PEAR1: variants seen among roughly 807,000 people sequenced by gnomAD.
PEAR1 encodes the protein multiple EGF-like domains protein 12.
Under a neutral mutation model 131.2 loss-of-function variants are expected in PEAR1, and 113 were observed. The ratio of observed to expected loss-of-function variants is 0.86; its 90% CI spans 0.74 to 1.01. The LOEUF (loss-of-function observed/expected upper bound fraction) is 1.01, where lower values mean the gene tolerates loss of function less well. Ranked by LOEUF, PEAR1 falls within the 50% of genes least tolerant of loss-of-function variation. The probability of loss-of-function intolerance (pLI) is 0.00; values close to 1 mark genes in which losing one functional copy is unlikely to be tolerated. For missense variants in PEAR1, 1,408 were observed against 1,391.1 expected (o/e 1.01, Z -0.19); for synonymous variants, 565 against 523.3 (o/e 1.08, Z -1.09).
intron 11 of PEAR1, 150 bp downstream of exon 11, chr1:156,909,186 C>A: frequency 6.6e-6 from 7 of 1,068,524 alleles, no homozygotes; most frequent in African/African-American, 1.6e-5. Flanking sequence ...AGTATCCAGG[C>A]TACTTTCTTC....
intron 15 of PEAR1, among the ~76,000 whole-genome samples, chr1:156,911,130 C>CTT (rs10688470): frequency 6.6e-4 from 62 of 93,974 alleles, no homozygotes; most frequent in African/African-American, 2.7e-3. Flanking sequence ...TTCTTTCTTT[C>CTT]CTTTCTTTCT....
Position 156,912,250 on chromosome 1 carries a change from GC to G in PEAR1, c.1958del (p.Pro653LeufsTer32). On this transcript the variant is annotated frameshift_variant, in exon 16 of 23. Transcript: ENST00000292357. LOFTEE classifies it high-confidence loss of function. ...ACAGGCCCCATGTCTCCCGTAGCATGCCCTCCAGGACACTGGGGAGAAAACT... is the reference window on the plus strand; with the variant it reads ...ACAGGCCCCATGTCTCCCGTAGCATGCCTCCAGGACACTGGGGAGAAAACT... Reference protein sequence around the residue: ...GWTGPDCSQPCPPGHWGENCA... With the variant: ...GWTGPDCSQPXPPGHWGENCA... The G allele has an allele frequency of 6.2e-7, 1 of 1,611,458 alleles. No individual in the cohort carries two copies. Among genetic ancestry groups the G allele is most frequent in the Non-Finnish European group, 8.5e-7 (1 of 1,179,002 alleles).
At position 156,908,534 on chromosome 1, in the gene PEAR1, C is replaced by A; in HGVS notation, c.1116-121C>A. The A allele has an allele frequency of 8.2e-7, 1 of 1,214,490 alleles. No homozygotes were observed. Among genetic ancestry groups the A allele is most frequent in the Non-Finnish European group, 1.1e-6 (1 of 896,664 alleles). 75.2% of individuals were successfully genotyped at this position (1,214,490 alleles called of 1,614,324 possible). A position where few individuals can be genotyped will look rare whatever the true frequency, so the allele number is the denominator to read the frequency against. ...ACCCAGTTTTCAGAATAGCGCGGAG[C>A]CTCCCTAGTGACCCCCTTACCCCAG... On this transcript the variant is annotated intron_variant, in intron 9 of 22. Coordinates refer to ENST00000292357, the MANE Select transcript of PEAR1 (RefSeq NM_001080471.3). The surrounding 1 kb of genome is among the most constrained non-coding windows in gnomAD (Gnocchi z 4.2).
rs1650867933 is a variant in PEAR1 at position 156,910,034 on chromosome 1, G to A, written c.1604G>A (p.Ser535Asn). 3 of 1,613,986 alleles carry A rather than the reference G, an allele frequency of 1.9e-6. No homozygotes were observed. Among genetic ancestry groups the A allele is most frequent in the South Asian group, 2.2e-5 (2 of 91,090 alleles). Residue 535 changes from serine to asparagine, a missense_variant, in exon 13 of 23, where the codon AGT becomes AAT. Ser to Asn is a conservative substitution (Grantham distance 46). Transcript: ENST00000292357. ...PKGQFGEGCASRCDCDHSDGC... is the reference protein window; with the variant it reads ...PKGQFGEGCANRCDCDHSDGC... Reference sequence around the variant, plus strand: ...GGGCAGTTTGGAGAAGGTTGTGCCAGTCGCTGTGACTGTGACCACTCTGAT... The same window carrying A: ...GGGCAGTTTGGAGAAGGTTGTGCCAATCGCTGTGACTGTGACCACTCTGAT...
At position 156,908,956 on chromosome 1, in the gene PEAR1, G is replaced by T. The variant is rs768687976; in HGVS notation, c.1331G>T (p.Gly444Val). The change falls in exon 11 of 23, where the codon GGT becomes GTT. Residue 444 changes from glycine to valine, a missense_variant. Transcript: ENST00000292357. This position sits in a 1 kb window ranked among gnomAD's most constrained non-coding sequence, Gnocchi z 4.2. ...CASLCPPDTY[G>V]VNCSARCSCE... The stretch of plus-strand genomic sequence containing the variant: ...AGTCTTTGTCCTCCTGACACCTACG[G>T]TGTCAACTGTTCTGCACGCTGCTCA... The T allele has an allele frequency of 1.9e-6, 3 of 1,614,000 alleles. No individual in the cohort carries two copies. In the South Asian group the frequency reaches 3.3e-5, roughly 18 times the overall value.
At chr1:156,911,041 C>CTTTCTTTCTTTCTTTCTTTCTTTCTTTT (rs1558143325) in intron 15 of PEAR1, among the ~76,000 whole-genome samples, 23 of 68,816 alleles carry the variant, frequency 3.3e-4, no homozygotes, top group African/African-American at 1.5e-3. Flanking sequence ...ATTTCTTTTT[C>CTTTCTTTCTTTCTTTCTTTCTTTCTTTT]TTTCTTTCTT....
At chr1:156,910,502 C>T (rs372393610) in intron 14 of PEAR1, 116 bp from the exon 15 acceptor site, 4 of 1,551,690 alleles carry the variant, frequency 2.6e-6, no homozygotes, top group African/African-American at 2.7e-5. Flanking sequence ...CGGTCTCTTC[C>T]TCTGACCCGT....
At position 156,908,890 on chromosome 1, in the gene PEAR1, C is replaced by A; in HGVS notation, c.1291-26C>A. The A allele has an allele frequency of 1.2e-6, 2 of 1,611,012 alleles. No individual in the cohort carries two copies. The highest frequency in any genetic ancestry group is 8.5e-7 in the Non-Finnish European group (1 of 1,179,754). ...TGGAGAGGCCAAGGAATGGGCCGCC[C>A]CTCTCACCCGCTCACCCTCTTTCAG... On this transcript the variant is annotated intron_variant, in intron 10 of 22. Transcript: ENST00000292357. This position sits in a 1 kb window ranked among gnomAD's most constrained non-coding sequence, Gnocchi z 4.2.
Position 156,908,005 on chromosome 1 carries a change from C to T in PEAR1, c.856C>T (p.Arg286Ter), listed in dbSNP as rs77235035. Residue 286 changes from arginine (R) to a stop codon, truncating the protein, a stop_gained, in exon 8 of 23, where the codon CGA (arginine) becomes TGA (stop). Transcript: ENST00000292357. LOFTEE classifies it high-confidence loss of function. The surrounding 1 kb of genome is among the most constrained non-coding windows in gnomAD (Gnocchi z 4.2). ...CTGCCACAACGGCGGCCTCTGTGAC[C>T]GATTCACTGGGCAGTGCCGCTGCGC... The part of the protein sequence containing the change: ...CRCHNGGLCD[R>*]FTGQCRCAPG... The T allele has an allele frequency of 3.8e-6, 6 of 1,572,622 alleles. No homozygotes were observed. Among genetic ancestry groups the T allele is most frequent in the East Asian group, 2.3e-5 (1 of 42,712 alleles).
At chr1:156,914,505 T>A in intron 22 of PEAR1, 142 bp from the exon 23 acceptor site, 1 of 802,404 alleles carries the variant, frequency 1.2e-6, no homozygotes, top group Non-Finnish European at 1.9e-6. Context: ...CAGCTGATAG[T>A]AAACTGGTGT....
At position 156,904,930 on chromosome 1, in the gene PEAR1, T is replaced by G; in HGVS notation, c.206+78T>G. ...AGCCTGGCCCCTGGCCCTCTGTACC[T>G]GTTCACTTCTCAGAAACTCAGAGGA... On this transcript the variant is annotated intron_variant, in intron 3 of 22. Transcript: ENST00000292357. 3 of 1,594,994 alleles carry G rather than the reference T, an allele frequency of 1.9e-6. No individual in the cohort carries two copies. The South Asian group carries it at 3.4e-5, about 18-fold the overall frequency.
At chr1:156,898,328 G>A (rs2102963498) in intron 1 of PEAR1, among the ~76,000 whole-genome samples, 1 of 152,292 alleles carries the variant, frequency 6.6e-6, no homozygotes, top group Non-Finnish European at 1.5e-5. Flanking sequence ...TCTGTTTCCT[G>A]AGCCACAGAG....
chr1:156,905,079 G>A, intron 3 of PEAR1: 1 of 1,373,662 alleles, frequency 7.3e-7, no homozygotes, highest in Non-Finnish European at 1.0e-6. Flanking sequence ...ATGCCTGTGG[G>A]GTTGGGGGGG....
At chr1:156,896,654 T>C (rs1483340542) in intron 1 of PEAR1, among the ~76,000 whole-genome samples, 1 of 152,194 alleles carries the variant, frequency 6.6e-6, no homozygotes, top group Non-Finnish European at 1.5e-5. Flanking sequence ...CCCCCATGAA[T>C]TGGCACCTGG....
At chr1:156,905,550 C>G (rs1650200528) in intron 4 of PEAR1, 126 bp downstream of exon 4, 3 of 760,882 alleles carry the variant, frequency 3.9e-6, no homozygotes, top group Non-Finnish European at 6.1e-6. Context: ...TGGGTTCCCC[C>G]CTCCTCTCCT....
At chr1:156,905,839 G>A (rs544823542) in intron 4 of PEAR1, among the ~76,000 whole-genome samples, 2 of 152,074 alleles carry the variant, frequency 1.3e-5, no homozygotes, top group East Asian at 3.9e-4. Flanking sequence ...TCACTATCCA[G>A]TCTCTCCTGC....
At position 156,914,643 on chromosome 1, in the gene PEAR1, C is replaced by T; in HGVS notation, c.2963-4C>T. 1 of 1,609,516 alleles carries T rather than the reference C, an allele frequency of 6.2e-7. No individual in the cohort carries two copies. The highest frequency in any genetic ancestry group is 8.5e-7 in the Non-Finnish European group (1 of 1,177,602). On this transcript the variant is annotated splice_region_variant and splice_polypyrimidine_tract_variant and intron_variant, in intron 22 of 22. Transcript: ENST00000292357. Reference sequence around the variant, plus strand: ...TCCCTCTTATCTTGTCCTCATGTTTCCAGACCGAGACTCTGTGGGCTCCCA... The same window carrying T: ...TCCCTCTTATCTTGTCCTCATGTTTTCAGACCGAGACTCTGTGGGCTCCCA...
At chr1:156,899,474 C>A (rs756314555) in intron 1 of PEAR1, among the ~76,000 whole-genome samples, 1 of 152,156 alleles carries the variant, frequency 6.6e-6, no homozygotes, top group Non-Finnish European at 1.5e-5. Context: ...CCTGCCCCCA[C>A]TTCCTTTCTC....
intron 2 of PEAR1, among the ~76,000 whole-genome samples, chr1:156,904,511 C>G (rs1459908043): frequency 6.6e-6 from 1 of 152,122 alleles, no homozygotes; most frequent in African/African-American, 2.4e-5. Context: ...AGGCTCCGGT[C>G]CAATAGAGTG....
Sources: allele counts gnomAD v4.1 joint callset (sites outside exome capture counted in the v4.1 genomes callset), GRCh38; gene constraint gnomAD v4.1.1; non-coding constraint Gnocchi (gnomAD v3.1); transcripts MANE v1.5; gene names NCBI Gene and HGNC (gene_info 2026-07-23, HGNC 2026-07-21).